The following PCMT1 variants were observed in gnomAD, a reference collection of about 807,000 sequenced individuals.
The protein encoded by PCMT1 is protein-L-isoaspartate(D-aspartate) O-methyltransferase.
A neutral mutation model predicts 29.2 loss-of-function variants in PCMT1; 9 were observed. That is an observed-to-expected ratio of 0.31 (90% confidence interval 0.19 to 0.54). PCMT1 has a LOEUF of 0.54. Among genes scored for constraint, PCMT1 ranks in the 20% least tolerant of loss-of-function variants. The pLI, the probability that PCMT1 is intolerant of heterozygous loss-of-function variation, is 0.95. For synonymous variants in PCMT1, 98 were observed against 97.5 expected, an observed-to-expected ratio of 1.00 and a Z score of -0.03; for missense variants, 184 against 282.2, an observed-to-expected ratio of 0.65 and a Z score of 2.49.
intron 4 of PCMT1, among the ~76,000 whole-genome samples, chr6:149,792,777 C>T (rs1788423343): frequency 6.6e-6 from 1 of 152,104 alleles, no homozygotes; most frequent in African/African-American, 2.4e-5. Flanking sequence ...CCTCTGCCTC[C>T]CAAAGTGCTG....
intron 1 of PCMT1, among the ~76,000 whole-genome samples, chr6:149,754,272 C>T (rs1056011202): frequency 6.6e-6 from 1 of 152,092 alleles, no homozygotes; most frequent in Non-Finnish European, 1.5e-5. Flanking sequence ...CCATATTGGA[C>T]AGCACAGGTC....
intron 1 of PCMT1, among the ~76,000 whole-genome samples, chr6:149,758,647 A>G (rs919435963): frequency 2.4e-4 from 37 of 152,102 alleles, no homozygotes; most frequent in African/African-American, 8.0e-4. Flanking sequence ...ATAACATTGT[A>G]GTTTGTTAGA....
At chr6:149,783,168 G>C (rs1338679267) in intron 3 of PCMT1, among the ~76,000 whole-genome samples, 1 of 151,948 alleles carries the variant, frequency 6.6e-6, no homozygotes, top group African/African-American at 2.4e-5. Context: ...TAGTCTTGCT[G>C]TGTCACCCAG....
chr6:149,786,716 G>C (rs1221198554), intron 3 of PCMT1, among the ~76,000 whole-genome samples: 51 of 151,640 alleles, frequency 3.4e-4, no homozygotes, highest in African/African-American at 1.2e-3. Flanking sequence ...CATCCCAGAC[G>C]GGGCGGCGGG....
chr6:149,765,126 G>A (rs868086385), intron 1 of PCMT1, among the ~76,000 whole-genome samples: 2 of 150,840 alleles, frequency 1.3e-5, no homozygotes, highest in Non-Finnish European at 3.0e-5. Context: ...TTGGGAGGCC[G>A]AGGCGGGCGG....
rs1165923350 is a variant in PCMT1, at chr6:149,749,964, C to T, written c.55+8C>T. 2 of 1,606,938 alleles carry T rather than the reference C, an allele frequency of 1.2e-6. No homozygotes were observed. Among genetic ancestry groups the T allele is most frequent in the Non-Finnish European group, 8.5e-7 (1 of 1,176,840 alleles). On this transcript the variant is annotated splice_region_variant and intron_variant, in intron 1 of 7. Transcript: ENST00000464889. ...TAATCCACAATCTCCGCAGTAAGTGCCACCTCCGCCCGTTGTAGGGCAGCT... is the reference window on the plus strand; with the variant it reads ...TAATCCACAATCTCCGCAGTAAGTGTCACCTCCGCCCGTTGTAGGGCAGCT...
intron 6 of PCMT1, 47 bp from the exon 7 acceptor site, chr6:149,802,153 A>C (rs185583886): frequency 2.3e-5 from 31 of 1,328,630 alleles, no homozygotes; most frequent in South Asian, 1.4e-4. Flanking sequence ...AAAATAAAAT[A>C]AAATCTGTAA....
At chr6:149,796,740 CAGT>C (rs1412702285) in intron 6 of PCMT1, 2 of 362,710 alleles carry the variant, frequency 5.5e-6, no homozygotes, top group East Asian at 4.5e-5. Context: ...ACTAGGACAA[CAGT>C]AGAATTGGGA....
At chr6:149,801,866 C>T (rs923952157) in intron 6 of PCMT1, among the ~76,000 whole-genome samples, 2 of 152,064 alleles carry the variant, frequency 1.3e-5, no homozygotes, top group South Asian at 2.1e-4. Flanking sequence ...CAGTAGCTCA[C>T]GCCTGTAATC....
intron 3 of PCMT1, among the ~76,000 whole-genome samples, chr6:149,779,432 A>G (rs1036587553): frequency 6.6e-6 from 1 of 152,106 alleles, no homozygotes; most frequent in Non-Finnish European, 1.5e-5. Flanking sequence ...TCACCTTAAT[A>G]ATTAGACACT....
intron 1 of PCMT1, among the ~76,000 whole-genome samples, chr6:149,755,504 G>T (rs577262839): frequency 8.7e-4 from 132 of 152,128 alleles, no homozygotes; most frequent in African/African-American, 3.0e-3. Flanking sequence ...ATCTATTAAG[G>T]GTCTTGGACC....
At chr6:149,780,335 T>G (rs1787762389) in intron 3 of PCMT1, among the ~76,000 whole-genome samples, 1 of 150,428 alleles carries the variant, frequency 6.6e-6, no homozygotes, top group Non-Finnish European at 1.5e-5. Flanking sequence ...ATCAAGACCC[T>G]GTCTCAGAAA....
chr6:149,803,060 A>T, intron 7 of PCMT1, among the ~76,000 whole-genome samples: 1 of 48,138 alleles, frequency 2.1e-5, no homozygotes. Flanking sequence ...CTCAAAAAAA[A>T]AAAAAAAAAA....
chr6:149,755,705 CT>C (rs1256704291), intron 1 of PCMT1, among the ~76,000 whole-genome samples: 3 of 152,106 alleles, frequency 2.0e-5, no homozygotes, highest in Non-Finnish European at 4.4e-5. Context: ...ATTTAGTCAG[CT>C]GATATTTTAG....
At chr6:149,769,253 G>A (rs966261987) in intron 1 of PCMT1, among the ~76,000 whole-genome samples, 6 of 147,094 alleles carry the variant, frequency 4.1e-5, no homozygotes, top group African/African-American at 1.3e-4. Context: ...TTTAATGGAT[G>A]ATGATATTGG....
intron 3 of PCMT1, among the ~76,000 whole-genome samples, chr6:149,774,757 A>G (rs1434545041): frequency 8.3e-6 from 1 of 119,930 alleles, no homozygotes; most frequent in East Asian, 2.5e-4. Flanking sequence ...CCCAGGCTGG[A>G]GTGCAGTGGC....
chr6:149,764,057 C>G (rs908948775), intron 1 of PCMT1, among the ~76,000 whole-genome samples: 1 of 152,108 alleles, frequency 6.6e-6, no homozygotes, highest in Admixed American at 6.6e-5. Context: ...CTCAATGGCT[C>G]CTAAAGCCTC....
chr6:149,796,300 C>T, intron 5 of PCMT1, 115 bp from the exon 6 acceptor site: 2 of 579,848 alleles, frequency 3.4e-6, no homozygotes, highest in Non-Finnish European at 6.1e-6. Context: ...CCAGTTGTCC[C>T]AGGATCATTT....
Position 149,750,551 on chromosome 6 carries a change from T to C in PCMT1, c.55+595T>C, listed in dbSNP as rs183146622. Among the ~76,000 whole-genome samples, 1,118 of 152,208 alleles carry C rather than the reference T, an allele frequency of 7.3e-3. 22 individuals are homozygous for C. Among genetic ancestry groups the C allele is most frequent in the African/African-American group, 0.026 (1,085 of 41,526 alleles). On this transcript the variant is annotated intron_variant, in intron 1 of 7. Coordinates refer to ENST00000464889, the MANE Select transcript of PCMT1 (RefSeq NM_001360452.2). The stretch of plus-strand genomic sequence containing the variant: ...TGCTGGGAGAAATTTCTCGGGCGGC[T>C]GTCCAGTGGAAAGCTCCGTGCGGGG...
Sources: gnomAD v4.1 joint callset for allele counts (sites outside exome capture counted in the v4.1 genomes callset) on GRCh38, gnomAD v4.1.1 for gene constraint, MANE v1.5 for transcripts, NCBI Gene and HGNC (gene_info 2026-07-23, HGNC 2026-07-21) for gene names.